Variants in OXR1 observed in about 807,000 individuals in gnomAD.
The protein encoded by OXR1 is oxidation resistance 1, also known as oxidation resistance protein 1.
A neutral mutation model predicts 104.6 loss-of-function variants in OXR1; 41 were observed. That is an observed-to-expected ratio of 0.39 (90% CI 0.31 to 0.51). OXR1 has a LOEUF of 0.51. Among genes scored for constraint, OXR1 ranks in the 20% least tolerant of loss-of-function variants. The pLI, the probability that OXR1 is intolerant of heterozygous loss-of-function variation, is 0.77. For synonymous variants in OXR1, 348 were observed against 348.4 expected (o/e 1.00, Z 0.01); for missense variants, 955 against 1,031.9 (o/e 0.93, Z 1.02).
chr8:106,365,361 A>G (rs962263919), intron 2 of OXR1, among the ~76,000 whole-genome samples: 1 of 151,902 alleles, frequency 6.6e-6, no homozygotes, highest in Non-Finnish European at 1.5e-5. Context: ...CAGCTTGTAA[A>G]GGAGTAGAGA....
intron 3 of OXR1, among the ~76,000 whole-genome samples, chr8:106,620,854 T>C (rs1821642889): frequency 6.6e-6 from 1 of 152,164 alleles, no homozygotes; most frequent in South Asian, 2.1e-4. Flanking sequence ...GAAATGTGTA[T>C]GACAGTACTT....
At chr8:106,316,698 TATCTATCTATCTATCTATC>T (rs1361582383) in intron 1 of OXR1, among the ~76,000 whole-genome samples, 18 of 100,002 alleles carry the variant, frequency 1.8e-4, no homozygotes, top group African/African-American at 5.9e-4. Flanking sequence ...TTTTTCTATC[TATCTATCTATCTATCTATC>T]ATCTATCTAT....
At chr8:106,606,690 C>T (rs552782970) in intron 3 of OXR1, among the ~76,000 whole-genome samples, 9 of 152,134 alleles carry the variant, frequency 5.9e-5, no homozygotes, top group Admixed American at 1.3e-4. Context: ...ATGGGCCCAC[C>T]TGGATAATTC....
intron 16 of OXR1, among the ~76,000 whole-genome samples, chr8:106,748,025 C>G (rs1435651802): frequency 6.6e-6 from 1 of 152,154 alleles, no homozygotes; most frequent in Non-Finnish European, 1.5e-5. Context: ...AATAGATTGG[C>G]TATGATAGTC....
intron 1 of OXR1, among the ~76,000 whole-genome samples, chr8:106,341,944 T>C (rs1055349524): frequency 2.4e-4 from 37 of 151,806 alleles, no homozygotes; most frequent in East Asian, 5.8e-4. Flanking sequence ...GGCTCCATTA[T>C]AGCTCATTGC....
intron 3 of OXR1, among the ~76,000 whole-genome samples, chr8:106,678,454 T>G: frequency 6.6e-6 from 1 of 152,018 alleles, no homozygotes; most frequent in East Asian, 1.9e-4. Flanking sequence ...TTTATTTAGT[T>G]TTTTAGATTT....
At chr8:106,311,742 A>C (rs959654243) in intron 1 of OXR1, among the ~76,000 whole-genome samples, 8 of 152,108 alleles carry the variant, frequency 5.3e-5, no homozygotes, top group Non-Finnish European at 1.2e-4. Context: ...TATGTGCCCT[A>C]TTCCTGCACC....
At chr8:106,695,511 A>G (rs887855292) in intron 7 of OXR1, among the ~76,000 whole-genome samples, 6 of 150,804 alleles carry the variant, frequency 4.0e-5, no homozygotes, top group Admixed American at 4.0e-4. Flanking sequence ...TCCGCCTCCC[A>G]GGTTCAAGCA....
intron 1 of OXR1, among the ~76,000 whole-genome samples, chr8:106,271,282 G>A (rs1811794550): frequency 7.9e-6 from 1 of 126,344 alleles, no homozygotes; most frequent in Non-Finnish European, 1.5e-5. Flanking sequence ...TCGGCTCGCT[G>A]TAGGCGAGCT....
chr8:106,321,639 G>A (rs532731943), intron 1 of OXR1, among the ~76,000 whole-genome samples: 5 of 152,290 alleles, frequency 3.3e-5, no homozygotes, highest in Admixed American at 1.3e-4. Flanking sequence ...CCCCTCCTTC[G>A]CATTCAAGCT....
At chr8:106,704,393 C>CCT (rs1830916783) in intron 8 of OXR1, among the ~76,000 whole-genome samples, 5 of 47,888 alleles carry the variant, frequency 1.0e-4, no homozygotes, top group Admixed American at 6.4e-4. Context: ...CTTTCTTCTT[C>CCT]TTTTTTTTTT....
chr8:106,583,144 T>G (rs1260737212), intron 3 of OXR1, among the ~76,000 whole-genome samples: 1 of 152,176 alleles, frequency 6.6e-6, no homozygotes, highest in African/African-American at 2.4e-5. Flanking sequence ...AGTTTTTCCT[T>G]AAGCTTTAAG....
At chr8:106,375,337 A>C (rs1816866653) in intron 2 of OXR1, among the ~76,000 whole-genome samples, 1 of 152,224 alleles carries the variant, frequency 6.6e-6, no homozygotes, top group Admixed American at 6.5e-5. Context: ...AATGACAAAT[A>C]GTTTGCTTGC....
chr8:106,647,641 T>G (rs1824194819), intron 3 of OXR1, among the ~76,000 whole-genome samples: 2 of 152,198 alleles, frequency 1.3e-5, no homozygotes, highest in South Asian at 4.1e-4. Flanking sequence ...TTTGCTTAGT[T>G]TAGTGTCAGA....
rs534271355 is a variant in OXR1 at position 106,649,418 on chromosome 8, C to G, written c.221-29792C>G. 3.9e-5 allele frequency among the ~76,000 whole-genome samples: 6 copies of G among 151,960 alleles called. No individual in the cohort carries two copies. The South Asian group carries it at 1.2e-3, about 32-fold the overall frequency. On this transcript the variant is annotated intron_variant, in intron 3 of 16. Coordinates refer to ENST00000517566, the MANE Select transcript of OXR1 (RefSeq NM_001198533.2). ...ATTTACTATTATATAGCCTTCTGTA[C>G]TATAGTTTTGTTTTCCCATATGCAT...
intron 3 of OXR1, among the ~76,000 whole-genome samples, chr8:106,557,698 A>C (rs1304494141): frequency 6.6e-6 from 1 of 152,178 alleles, no homozygotes; most frequent in Admixed American, 6.5e-5. Context: ...CTCTGCAGGC[A>C]CCTAATGATG....
At position 106,684,260 on chromosome 8, in the gene OXR1, T is replaced by C. The variant is rs768314744; in HGVS notation, c.426T>C (p.Pro142=). ...TTTTCTTACAGGTTCTGTATGTTCC[T>C]GATCCTGAATATGTCTCCAGTGTTG... ...AVVTGQVLYV[P]DPEYVSSVES... Residue 142 remains proline (P), a synonymous_variant, in exon 6 of 17, where the codon CCT becomes CCC. Coordinates refer to ENST00000517566, the MANE Select transcript of OXR1 (RefSeq NM_001198533.2). 6.3e-7 allele frequency: 1 copy of C among 1,581,728 alleles called. No homozygotes were observed. Among genetic ancestry groups the C allele is most frequent in the East Asian group, 2.2e-5 (1 of 44,640 alleles).
intron 2 of OXR1, among the ~76,000 whole-genome samples, chr8:106,515,582 G>A (rs763345544): frequency 2.6e-5 from 4 of 151,876 alleles, no homozygotes; most frequent in Non-Finnish European, 5.9e-5. Flanking sequence ...TGTGTTCCAG[G>A]TTCATTCATG....
chr8:106,570,682 G>T (rs1463932226), intron 3 of OXR1, among the ~76,000 whole-genome samples: 1 of 152,064 alleles, frequency 6.6e-6, no homozygotes. Context: ...CTTCCTTCAT[G>T]CTGACTCCAT....
Sources: gnomAD v4.1 joint callset for allele counts (sites outside exome capture counted in the v4.1 genomes callset) on GRCh38, gnomAD v4.1.1 for gene constraint, MANE v1.5 for transcripts, NCBI Gene and HGNC (gene_info 2026-07-23, HGNC 2026-07-21) for gene names.